The following RUSC1 variants were observed in gnomAD, a reference collection of about 807,000 sequenced individuals.
The protein encoded by RUSC1 is AP-4 complex accessory subunit RUSC1.
A neutral mutation model predicts 72.1 loss-of-function variants in RUSC1; 40 were observed. The ratio of observed to expected loss-of-function variants is 0.55; its 90% CI spans 0.43 to 0.72. The LOEUF is 0.72. Ranked by LOEUF, RUSC1 falls within the 30% of genes least tolerant of loss-of-function variation. The pLI, the probability that RUSC1 is intolerant of heterozygous loss-of-function variation, is 0.00. For synonymous variants in RUSC1, 512 were observed against 494.2 expected (o/e 1.04, Z -0.48); for missense variants, 1,092 against 1,172.3 (o/e 0.93, Z 1.00).
In RUSC1 at chr1:155,321,700, G is replaced by T; in HGVS notation, c.-74G>T. On this transcript the variant is annotated 5_prime_UTR_variant, in exon 2 of 10. Transcript: ENST00000368352. ...CTCTGTCTTCTAGGTCTGCACCTGT[G>T]GTTGCCAGGTAGGTGGATGTGAGAG... 1 of 1,565,268 alleles carries T rather than the reference G, an allele frequency of 6.4e-7. No homozygotes were observed. Among genetic ancestry groups the T allele is most frequent in the Non-Finnish European group, 8.7e-7 (1 of 1,142,900 alleles).
Position 155,326,862 on chromosome 1 carries a change from C to G in RUSC1, c.2144C>G (p.Ser715Ter), listed in dbSNP as rs1651472670. 6.2e-7 allele frequency: 1 copy of G among 1,613,634 alleles called. No homozygotes were observed. Among genetic ancestry groups the G allele is most frequent in the Non-Finnish European group, 8.5e-7 (1 of 1,180,056 alleles). Residue 715 changes from serine (S) to a stop codon, truncating the protein, a stop_gained, in exon 8 of 10, where the codon TCA (serine) becomes TGA (stop). Transcript: ENST00000368352. LOFTEE classifies it high-confidence loss of function. This position sits in a 1 kb window ranked among gnomAD's most constrained non-coding sequence, Gnocchi z 4.7. ...CGGGGGACTTCCAAGGAAGCTGCTT[C>G]AGACCCCTCTGACTCTCCAAACCTT... ...SLRGTSKEAA[S>*]DPSDSPNLPT...
In RUSC1 at chr1:155,326,930, CGGGTCTATGCCTCTG is replaced by C. The variant is rs1651480801; in HGVS notation, c.2216_2230del (p.Val739_Gly743del). On this transcript the variant is annotated inframe_deletion, in exon 8 of 10. Transcript: ENST00000368352. This position sits in a 1 kb window ranked among gnomAD's most constrained non-coding sequence, Gnocchi z 4.7. ...GTGGGAGCAGTTGACCCAGGCCTCC[CGGGTCTATGCCTCTG>C]GGGGCACTGAGGGCTTTCCTCTTTC... 2 of 1,613,670 alleles carry C rather than the reference CGGGTCTATGCCTCTG, an allele frequency of 1.2e-6. No homozygotes were observed. Among genetic ancestry groups the C allele is most frequent in the Non-Finnish European group, 1.7e-6 (2 of 1,180,050 alleles).
chr1:155,328,413 G>A (rs1399900915), intron 9 of RUSC1, 138 bp downstream of exon 9: 7 of 917,350 alleles, frequency 7.6e-6, no homozygotes, highest in East Asian at 3.0e-5. Flanking sequence ...ATTTATTATC[G>A]ATGTGTCACT....
chr1:155,330,754 G>T lies in RUSC1; in HGVS notation c.*183G>T. The stretch of plus-strand genomic sequence containing the variant: ...TATACCCACCTGTAAGGTGAAATCT[G>T]CTCTTCTTCCAAATATATAAAAAAG... On this transcript the variant is annotated 3_prime_UTR_variant, in exon 10 of 10. Transcript: ENST00000368352. 3.8e-6 allele frequency: 2 copies of T among 519,830 alleles called. No homozygotes were observed. The highest frequency in any genetic ancestry group is 3.1e-5 in the South Asian group (1 of 31,834). 32.2% of individuals were successfully genotyped at this position (519,830 alleles called of 1,614,324 possible). A position where few individuals can be genotyped will look rare whatever the true frequency, so the allele number is the denominator to read the frequency against.
chr1:155,328,873 T>C (rs1406006838), intron 9 of RUSC1, among the ~76,000 whole-genome samples: 2 of 151,856 alleles, frequency 1.3e-5, no homozygotes, highest in Non-Finnish European at 1.5e-5. Flanking sequence ...GCTGGAATTA[T>C]AGGCGTGAGC....
chr1:155,325,945 G>A lies in RUSC1; in HGVS notation c.1861+35G>A, dbSNP rs750392488. The A allele has an allele frequency of 6.2e-7, 1 of 1,607,718 alleles. No individual in the cohort carries two copies. The highest frequency in any genetic ancestry group is 8.5e-7 in the Non-Finnish European group (1 of 1,174,218). ...TCAGATGGTAGAGGATGGGGCTGATGGGCTGGGAGGATGGGAAGGAAAGAG... is the reference window on the plus strand; with the variant it reads ...TCAGATGGTAGAGGATGGGGCTGATAGGCTGGGAGGATGGGAAGGAAAGAG... On this transcript the variant is annotated intron_variant, in intron 7 of 9. Coordinates refer to ENST00000368352, the MANE Select transcript of RUSC1 (RefSeq NM_001105203.2). This position sits in a 1 kb window ranked among gnomAD's most constrained non-coding sequence, Gnocchi z 6.5.
Position 155,328,274 on chromosome 1 carries a change from AG to A in RUSC1, c.2540+1del, listed in dbSNP as rs1338098604. 1.2e-6 allele frequency: 2 copies of A among 1,607,954 alleles called. No individual in the cohort carries two copies. The highest frequency in any genetic ancestry group is 1.7e-6 in the Non-Finnish European group (2 of 1,176,690). On this transcript the variant is annotated frameshift_variant and splice_region_variant, in exon 9 of 10. Transcript: ENST00000368352. LOFTEE classifies it high-confidence loss of function. ...ASAPRMVQTH[R>X]AVRALCDHTA... ...AGCACCCAGGATGGTGCAAACCCAT[AG>A]GTAAGGAGGATTGGGGAGAATGCAC...
chr1:155,323,614 C>T (rs1650873960), intron 2 of RUSC1: 1 of 152,534 alleles, frequency 6.6e-6, no homozygotes. Context: ...AGCCTATTCG[C>T]CTCCGACTCG....
Position 155,326,009 on chromosome 1 carries a change from T to A in RUSC1, c.1861+99T>A. ...GTTCCCACTGCTGCCAGAATGCCAT[T>A]AATCCAGATCTCCGATCTTATTACT... is the stretch of plus-strand genomic sequence containing the variant. On this transcript the variant is annotated intron_variant, in intron 7 of 9. Coordinates refer to ENST00000368352, the MANE Select transcript of RUSC1 (RefSeq NM_001105203.2). The surrounding 1 kb of genome is among the most constrained non-coding windows in gnomAD (Gnocchi z 4.7). The A allele has an allele frequency of 8.0e-7, 1 of 1,247,818 alleles. No individual in the cohort carries two copies. The highest frequency in any genetic ancestry group is 1.2e-6 in the Non-Finnish European group (1 of 848,154). The allele number at this position is 1,247,818 out of a possible 1,614,324, so 77.3% of individuals were successfully genotyped here. A position where few individuals can be genotyped will look rare whatever the true frequency, so the allele number is the denominator to read the frequency against.
At position 155,326,066 on chromosome 1, in the gene RUSC1, CGCCCATAGGATGAAAGACCCAAA is replaced by C; in HGVS notation, c.1861+160_1861+182del. ...ATTAAAACTTTCTAAGGAGGCCCATCGCCCATAGGATGAAAGACCCAAAGCCTTGGCTGTCTGGCCTCTGCCCT... is the reference window on the plus strand; with the variant it reads ...ATTAAAACTTTCTAAGGAGGCCCATCGCCTTGGCTGTCTGGCCTCTGCCCT... On this transcript the variant is annotated intron_variant, in intron 7 of 9. Coordinates refer to ENST00000368352, the MANE Select transcript of RUSC1 (RefSeq NM_001105203.2). The surrounding 1 kb of genome is among the most constrained non-coding windows in gnomAD (Gnocchi z 4.7). 1.2e-6 allele frequency: 1 copy of C among 807,742 alleles called. No homozygotes were observed. Among genetic ancestry groups the C allele is most frequent in the Non-Finnish European group, 2.0e-6 (1 of 499,096 alleles). The allele number at this position is 807,742 out of a possible 1,614,324, so 50.0% of individuals were successfully genotyped here.
intron 1 of RUSC1, 25 bp from the exon 2 acceptor site, chr1:155,321,663 G>A: frequency 2.1e-6 from 3 of 1,441,068 alleles, no homozygotes; most frequent in South Asian, 1.3e-5. Flanking sequence ...CTCACTGGCC[G>A]GGCTTCACCA....
Position 155,324,948 on chromosome 1 carries a change from G to C in RUSC1, c.1456+5G>C, listed in dbSNP as rs755436542. On this transcript the variant is annotated splice_donor_5th_base_variant and intron_variant, in intron 3 of 9. Coordinates refer to ENST00000368352, the MANE Select transcript of RUSC1 (RefSeq NM_001105203.2). ...AGCTGCAGGAGCAGAAGAAAGGTAG[G>C]GCACCCTGACTCCCGACCCCGCGCT... 1 of 1,614,126 alleles carries C rather than the reference G, an allele frequency of 6.2e-7. No homozygotes were observed. Among genetic ancestry groups the C allele is most frequent in the South Asian group, 1.1e-5 (1 of 91,078 alleles).
Position 155,326,260 on chromosome 1 carries a change from C to G in RUSC1, c.1862-320C>G. The G allele has an allele frequency of 3.7e-6, 2 of 544,350 alleles. No homozygotes were observed. The highest frequency in any genetic ancestry group is 3.3e-6 in the Non-Finnish European group (1 of 304,798). The allele number at this position is 544,350 out of a possible 1,614,324, so 33.7% of individuals were successfully genotyped here. ...TCCTTTGAGTCCTTCCCCAGTGAGG[C>G]CCTACCTCTACCCTCGGACTAGGCC... On this transcript the variant is annotated intron_variant, in intron 7 of 9. Transcript: ENST00000368352. This position sits in a 1 kb window ranked among gnomAD's most constrained non-coding sequence, Gnocchi z 4.7.
In RUSC1 at chr1:155,322,691, G is replaced by C; in HGVS notation, c.918G>C (p.Glu306Asp). Residue 306 changes from glutamate (E) to aspartate (D), a missense_variant, in exon 2 of 10, where the codon GAG becomes GAC. Physicochemically the swap from Glu to Asp is conservative, Grantham distance 45. Transcript: ENST00000368352. ...GATGGAGAAGTGACGTCAGCGAGGA[G>C]CCGGTGCCCCACCGGACAATCACGT... ...DGGWRSDVSEEPVPHRTITSF... is the reference protein window; with the variant it reads ...DGGWRSDVSEDPVPHRTITSF... 1.2e-6 allele frequency: 2 copies of C among 1,614,262 alleles called. No homozygotes were observed. The highest frequency in any genetic ancestry group is 2.2e-5 in the South Asian group (2 of 91,088).
Position 155,325,841 on chromosome 1 carries a change from C to T in RUSC1, c.1815-23C>T. ...TGGAGTCCTCCACCTCCCTGAACTT[C>T]CATTCCCTCTTTTCTCCCCTAGCAC... is the stretch of plus-strand genomic sequence containing the variant. On this transcript the variant is annotated intron_variant, in intron 6 of 9. Coordinates refer to ENST00000368352, the MANE Select transcript of RUSC1 (RefSeq NM_001105203.2). The surrounding 1 kb of genome is among the most constrained non-coding windows in gnomAD (Gnocchi z 6.5). 2 of 1,614,034 alleles carry T rather than the reference C, an allele frequency of 1.2e-6. No individual in the cohort carries two copies. Among genetic ancestry groups the T allele is most frequent in the Non-Finnish European group, 8.5e-7 (1 of 1,179,946 alleles).
In RUSC1 at chr1:155,330,333, G is replaced by A. The variant is rs1451903627; in HGVS notation, c.2541-70G>A. ...GCCAAACCAACAAGGGCACTCTAGA[G>A]GTGACGCCTGGGGACGGCTGGGCAG... is the stretch of plus-strand genomic sequence containing the variant. On this transcript the variant is annotated intron_variant, in intron 9 of 9. Coordinates refer to ENST00000368352, the MANE Select transcript of RUSC1 (RefSeq NM_001105203.2). 8.5e-6 allele frequency: 13 copies of A among 1,529,716 alleles called. No individual in the cohort carries two copies. The Admixed American group carries it at 1.9e-4, about 22-fold the overall frequency. 94.8% of individuals were successfully genotyped at this position (1,529,716 alleles called of 1,614,324 possible).
chr1:155,321,359 G>C (rs1372145481), intron 1 of RUSC1: 2 of 1,377,170 alleles, frequency 1.5e-6, no homozygotes, highest in Non-Finnish European at 1.9e-6. Flanking sequence ...TAAGGGGTAG[G>C]CTGGAGGGCA....
rs1650791260 is a variant in RUSC1 at position 155,323,096 on chromosome 1, C to A, written c.1323C>A (p.Ala441=). 2.1e-6 allele frequency: 3 copies of A among 1,425,214 alleles called. No individual in the cohort carries two copies. The highest frequency in any genetic ancestry group is 2.7e-6 in the Non-Finnish European group (3 of 1,093,932). 88.3% of individuals were successfully genotyped at this position (1,425,214 alleles called of 1,614,324 possible). A position where few individuals can be genotyped will look rare whatever the true frequency, so the allele number is the denominator to read the frequency against. The change falls in exon 2 of 10, where the codon GCC becomes GCA. Residue 441 remains alanine (A), a synonymous_variant. Coordinates refer to ENST00000368352, the MANE Select transcript of RUSC1 (RefSeq NM_001105203.2). ...CAGCGGCTGGCGAGGAGGCCCCAGC[C>A]GCGAAGGAGCCGGGCGCGCAGGCCG... ...VSPAAGEEAP[A]AKEPGAQAGL... is the part of the protein sequence containing the mutation.
rs970881180 is a variant in RUSC1, at chr1:155,325,921, C to T, written c.1861+11C>T. On this transcript the variant is annotated intron_variant, in intron 7 of 9. Coordinates refer to ENST00000368352, the MANE Select transcript of RUSC1 (RefSeq NM_001105203.2). The surrounding 1 kb of genome is among the most constrained non-coding windows in gnomAD (Gnocchi z 6.5). ...TCCAGGAAGATGCAGGTCAGAGGTT[C>T]AGATGGTAGAGGATGGGGCTGATGG... The T allele has an allele frequency of 4.3e-6, 7 of 1,613,862 alleles. No individual in the cohort carries two copies. The highest frequency in any genetic ancestry group is 1.1e-5 in the South Asian group (1 of 91,086).
Sources: gnomAD v4.1 joint callset for allele counts (sites outside exome capture counted in the v4.1 genomes callset) on GRCh38, gnomAD v4.1.1 for gene constraint, Gnocchi (gnomAD v3.1) non-coding constraint, MANE v1.5 for transcripts, NCBI Gene and HGNC (gene_info 2026-07-23, HGNC 2026-07-21) for gene names.